The following MON2 variants were observed in gnomAD, a reference collection of about 807,000 sequenced individuals.
MON2 encodes protein MON2 homolog.
In MON2, 84 loss-of-function variants were observed where a neutral mutation model predicts 208.6. The observed-to-expected ratio is 0.40, with a 90% CI of 0.34 to 0.48. The LOEUF (loss-of-function observed/expected upper bound fraction) is 0.48. Among genes scored for constraint, MON2 ranks in the 20% least tolerant of loss-of-function variants. The probability of loss-of-function intolerance (pLI) is 0.59; values close to 1 mark genes in which losing one functional copy is unlikely to be tolerated. For synonymous variants in MON2, 660 were observed against 694.0 expected, an observed-to-expected ratio of 0.95 and a Z score of 0.77; for missense variants, 1,611 against 2,015.4, an observed-to-expected ratio of 0.80 and a Z score of 3.84.
At chr12:62,494,729 A>G (rs971742522) in intron 3 of MON2, among the ~76,000 whole-genome samples, 2 of 152,212 alleles carry the variant, frequency 1.3e-5, no homozygotes, top group Non-Finnish European at 2.9e-5. Flanking sequence ...CAATCTATCA[A>G]CATTATTGTA....
chr12:62,593,948 C>T lies in MON2; in HGVS notation c.*1199C>T, dbSNP rs1224919167. The stretch of plus-strand genomic sequence containing the variant: ...GAACTTGCTGTCACGGAGTAAAATG[C>T]TAATTATGTTTCACTTTCCTAGCCT... On this transcript the variant is annotated 3_prime_UTR_variant, in exon 35 of 35. Coordinates refer to ENST00000393630, the MANE Select transcript of MON2 (RefSeq NM_015026.3). 6.6e-6 allele frequency: 1 copy of T among 152,098 alleles called. No homozygotes were observed. The highest frequency in any genetic ancestry group is 1.5e-5 in the Non-Finnish European group (1 of 67,988). The allele number at this position is 152,098 out of a possible 1,614,324, so 9.4% of individuals were successfully genotyped here. A position where few individuals can be genotyped will look rare whatever the true frequency, so the allele number is the denominator to read the frequency against.
At chr12:62,502,567 G>C (rs1348193489) in intron 7 of MON2, among the ~76,000 whole-genome samples, 1 of 152,006 alleles carries the variant, frequency 6.6e-6, no homozygotes, top group African/African-American at 2.4e-5. Flanking sequence ...TAATAGTCAG[G>C]TATTTCCCAG....
chr12:62,578,465 C>G lies in MON2; in HGVS notation c.4535C>G (p.Ser1512Cys), dbSNP rs997720498. 7 of 1,477,358 alleles carry G rather than the reference C, an allele frequency of 4.7e-6. No individual in the cohort carries two copies. Among genetic ancestry groups the G allele is most frequent in the African/African-American group, 4.3e-5 (3 of 69,144 alleles). The allele number at this position is 1,477,358 out of a possible 1,614,324, so 91.5% of individuals were successfully genotyped here. Residue 1512 changes from serine (S) to cysteine (C), a missense_variant, in exon 31 of 35, where the codon TCT (serine) becomes TGT (cysteine). By Grantham distance (112) the Ser-to-Cys change is moderately radical. Coordinates refer to ENST00000393630, the MANE Select transcript of MON2 (RefSeq NM_015026.3). ...FTKSIPPDNL[S>C]IQEFQRNENI... ...TTTAGCATACCTCCAGATAATCTCT[C>G]TATTCAAGAGTTTCAAAGAAATGAA...
chr12:62,554,530 T>C (rs2073884540), intron 24 of MON2, among the ~76,000 whole-genome samples: 1 of 152,152 alleles, frequency 6.6e-6, no homozygotes, highest in Admixed American at 6.5e-5. Context: ...GGTCTTGCTC[T>C]GTCACCCAGG....
intron 1 of MON2, among the ~76,000 whole-genome samples, chr12:62,478,752 G>A (rs1414668651): frequency 1.3e-5 from 2 of 152,196 alleles, no homozygotes; most frequent in Non-Finnish European, 2.9e-5. Flanking sequence ...GTAGGAGTGG[G>A]CACTAGGGAA....
chr12:62,517,052 C>A lies in MON2; in HGVS notation c.985-7463C>A, dbSNP rs115102986. ...TTGCTATTAAATCAGGTGGCCAGGT[C>A]ATATGGTGGTCCAAATGTTTAGAAA... On this transcript the variant is annotated intron_variant, in intron 8 of 34. Coordinates refer to ENST00000393630, the MANE Select transcript of MON2 (RefSeq NM_015026.3). Among the ~76,000 whole-genome samples the A allele has an allele frequency of 8.4e-3, 1,275 of 152,264 alleles. 17 individuals are homozygous for A. Among genetic ancestry groups the A allele is most frequent in the African/African-American group, 0.028 (1,177 of 41,532 alleles).
At chr12:62,548,711 T>C (rs1165438040) in intron 22 of MON2, among the ~76,000 whole-genome samples, 1 of 152,142 alleles carries the variant, frequency 6.6e-6, no homozygotes, top group East Asian at 1.9e-4. Context: ...TATAATGAAT[T>C]AATGGGTGTA....
rs577027414 is a variant in MON2, at chr12:62,598,762, G to A, written c.*6013G>A. 6.6e-6 allele frequency: 1 copy of A among 152,240 alleles called. No homozygotes were observed. The highest frequency in any genetic ancestry group is 2.4e-5 in the African/African-American group (1 of 41,560). 9.4% of individuals were successfully genotyped at this position (152,240 alleles called of 1,614,324 possible). A position where few individuals can be genotyped will look rare whatever the true frequency, so the allele number is the denominator to read the frequency against. Reference sequence around the variant, plus strand: ...AGTTATGTATTATAATCATGAAATTGTATTGGCCTCAAACCCAAATTTTCT... The same window carrying A: ...AGTTATGTATTATAATCATGAAATTATATTGGCCTCAAACCCAAATTTTCT... On this transcript the variant is annotated 3_prime_UTR_variant, in exon 35 of 35. Transcript: ENST00000393630.
At chr12:62,534,152 A>G (rs1240792369) in intron 12 of MON2, among the ~76,000 whole-genome samples, 1 of 151,960 alleles carries the variant, frequency 6.6e-6, no homozygotes, top group Non-Finnish European at 1.5e-5. Context: ...GCTACCTGGG[A>G]GGCTGAGGCA....
At chr12:62,494,912 A>C in intron 3 of MON2, 104 bp from the exon 4 acceptor site, 1 of 755,342 alleles carries the variant, frequency 1.3e-6, no homozygotes, top group East Asian at 3.0e-5. Flanking sequence ...ATTGTGATCA[A>C]GAAATCCTCT....
chr12:62,568,637 C>T (rs1717761773), intron 29 of MON2, among the ~76,000 whole-genome samples: 1 of 152,014 alleles, frequency 6.6e-6, no homozygotes, highest in African/African-American at 2.4e-5. Flanking sequence ...CTGTGCCTGG[C>T]CTCAGTTTAT....
rs566282470 is a variant in MON2, at chr12:62,466,860, C to T, written c.-348C>T. ...AATGGCGTCGGCGAGTCTTAGGGGC[C>T]TGGGGAGCTGGCGCTGAAGCTTCTT... is the stretch of plus-strand genomic sequence containing the variant. On this transcript the variant is annotated 5_prime_UTR_variant, in exon 1 of 35. Coordinates refer to ENST00000393630, the MANE Select transcript of MON2 (RefSeq NM_015026.3). 2.4e-5 allele frequency: 11 copies of T among 451,380 alleles called. No individual in the cohort carries two copies. The highest frequency in any genetic ancestry group is 4.1e-5 in the Admixed American group (1 of 24,364). The allele number at this position is 451,380 out of a possible 1,614,324, so 28.0% of individuals were successfully genotyped here. A position where few individuals can be genotyped will look rare whatever the true frequency, so the allele number is the denominator to read the frequency against.
At chr12:62,474,789 G>C (rs1417761606) in intron 1 of MON2, among the ~76,000 whole-genome samples, 2 of 152,182 alleles carry the variant, frequency 1.3e-5, no homozygotes, top group East Asian at 1.9e-4. Flanking sequence ...TATTTCAGTT[G>C]TTTTGTTAAT....
At chr12:62,565,720 C>A (rs2074355591) in intron 27 of MON2, among the ~76,000 whole-genome samples, 1 of 152,064 alleles carries the variant, frequency 6.6e-6, no homozygotes, top group Admixed American at 6.6e-5. Context: ...TTCTAAATCC[C>A]TAAGTCTAAT....
At position 62,528,678 on chromosome 12, in the gene MON2, T is replaced by A. The variant is rs955864722; in HGVS notation, c.1400+2576T>A. 9.8e-5 allele frequency among the ~76,000 whole-genome samples: 15 copies of A among 152,356 alleles called. No individual in the cohort carries two copies. In the East Asian group the frequency reaches 2.9e-3, roughly 29 times the overall value. On this transcript the variant is annotated intron_variant, in intron 11 of 34. Coordinates refer to ENST00000393630, the MANE Select transcript of MON2 (RefSeq NM_015026.3). ...GAGTTTCTGATGTTTTGGATTATTT[T>A]ATGTTTTAGATACATTTTCCCAATA...
chr12:62,573,663 G>A (rs2074679813), intron 30 of MON2, among the ~76,000 whole-genome samples: 1 of 151,238 alleles, frequency 6.6e-6, no homozygotes, highest in East Asian at 1.9e-4. Context: ...TAAATTTGGA[G>A]GTTTTTTTTT....
intron 10 of MON2, 129 bp from the exon 11 acceptor site, chr12:62,525,820 T>A: frequency 1.4e-6 from 1 of 709,904 alleles, no homozygotes; most frequent in Non-Finnish European, 2.4e-6. Flanking sequence ...AAATTTCATT[T>A]ATTTCTGCAA....
intron 8 of MON2, among the ~76,000 whole-genome samples, chr12:62,512,328 G>C (rs2136128134): frequency 6.6e-6 from 1 of 152,278 alleles, no homozygotes; most frequent in South Asian, 2.1e-4. Flanking sequence ...ATCAAAACGA[G>C]TTAATTACTT....
intron 4 of MON2, among the ~76,000 whole-genome samples, chr12:62,498,626 A>G (rs1228676932): frequency 2.6e-5 from 4 of 152,208 alleles, no homozygotes; most frequent in African/African-American, 7.2e-5. Flanking sequence ...CTTTGAGTTC[A>G]TGTTATTTGC....
Sources: gnomAD v4.1 joint callset for allele counts (sites outside exome capture counted in the v4.1 genomes callset) on GRCh38, gnomAD v4.1.1 for gene constraint, MANE v1.5 for transcripts, NCBI Gene and HGNC (gene_info 2026-07-23, HGNC 2026-07-21) for gene names.